GLRA2: variants seen among roughly 807,000 people sequenced by gnomAD.
The protein encoded by GLRA2 is glycine receptor subunit alpha-2.
GLRA2 carries 11 observed loss-of-function variants against 31.6 expected under a neutral mutation model. That is an observed-to-expected ratio of 0.35 (90% CI 0.22 to 0.58). The LOEUF is 0.58. Among genes scored for constraint, GLRA2 ranks in the 20% least tolerant of loss-of-function variants. The probability of loss-of-function intolerance (pLI) is 0.84; values close to 1 mark genes in which losing one functional copy is unlikely to be tolerated. For missense variants in GLRA2, 212 were observed against 351.8 expected, an observed-to-expected ratio of 0.60 and a Z score of 3.18; for synonymous variants, 132 against 134.0, an observed-to-expected ratio of 0.99 and a Z score of 0.10.
chrX:14,597,361 A>G (rs1015608455), intron 4 of GLRA2, among the ~76,000 whole-genome samples: 4 of 112,122 alleles, frequency 3.6e-5, no homozygotes, highest in Non-Finnish European at 5.6e-5. Flanking sequence ...TAAAGTTTTC[A>G]TCATATTCAA....
chrX:14,453,169 C>T, the GLRA2 span, among the ~76,000 whole-genome samples: 1 of 111,233 alleles, frequency 9.0e-6, no homozygotes, highest in African/African-American at 3.3e-5. Flanking sequence ...GGGAAAGAGC[C>T]CAGAGGAGAT....
chrX:14,537,538 C>G (rs946072152), intron 2 of GLRA2, among the ~76,000 whole-genome samples: 1 of 111,198 alleles, frequency 9.0e-6, no homozygotes, highest in Admixed American at 9.6e-5. Flanking sequence ...TCAATAGTAC[C>G]CAAGCCCTTG....
At chrX:14,647,779 G>A (rs1196216193) in intron 7 of GLRA2, among the ~76,000 whole-genome samples, 3 of 112,283 alleles carry the variant, frequency 2.7e-5, no homozygotes, top group Non-Finnish European at 5.6e-5. Flanking sequence ...TTCTTAGGGA[G>A]AAATGAAGTA....
intron 8 of GLRA2, among the ~76,000 whole-genome samples, chrX:14,725,385 C>G (rs1429930042): frequency 9.0e-6 from 1 of 110,876 alleles, no homozygotes; most frequent in East Asian, 2.8e-4. Flanking sequence ...TGTATTTGGA[C>G]ACATATTGCT....
chrX:14,536,434 G>C (rs1343216367), intron 2 of GLRA2, among the ~76,000 whole-genome samples: 3 of 112,020 alleles, frequency 2.7e-5, no homozygotes, highest in Non-Finnish European at 5.7e-5. Flanking sequence ...GATCAGCCTG[G>C]TTGGCATCAG....
At chrX:14,454,798 A>C in the GLRA2 span, among the ~76,000 whole-genome samples, 9 of 111,993 alleles carry the variant, frequency 8.0e-5, no homozygotes, top group African/African-American at 2.9e-4. Context: ...ACTTGTGTCC[A>C]ATATGCTATG....
intron 7 of GLRA2, among the ~76,000 whole-genome samples, chrX:14,668,594 A>T (rs754773073): frequency 8.9e-6 from 1 of 112,706 alleles, no homozygotes; most frequent in South Asian, 3.7e-4. Flanking sequence ...GTGGCAGGGG[A>T]GGCTTCACAG....
At chrX:14,492,189 G>GTTT in the GLRA2 span, among the ~76,000 whole-genome samples, 116 of 110,751 alleles carry the variant, frequency 1.0e-3, no homozygotes, top group African/African-American at 3.7e-3. Flanking sequence ...ACTCAGACAA[G>GTTT]TTTTTTTGTC....
the GLRA2 span, among the ~76,000 whole-genome samples, chrX:14,523,399 T>C: frequency 8.9e-6 from 1 of 112,227 alleles, no homozygotes; most frequent in East Asian, 2.8e-4. Flanking sequence ...ATATCAGCGA[T>C]AACGCAGTTT....
At chrX:14,718,668 A>T (rs1376595962) in intron 8 of GLRA2, among the ~76,000 whole-genome samples, 2 of 110,951 alleles carry the variant, frequency 1.8e-5, no homozygotes, top group African/African-American at 6.6e-5. Flanking sequence ...GGCTAGGAAA[A>T]CTCTAAGACT....
chrX:14,703,259 A>G (rs2091572420), intron 8 of GLRA2, among the ~76,000 whole-genome samples: 1 of 111,854 alleles, frequency 8.9e-6, no homozygotes, highest in African/African-American at 3.3e-5. Flanking sequence ...GCTCATTTAT[A>G]TAACAGTGTT....
At chrX:14,493,193 TTAA>T in the GLRA2 span, among the ~76,000 whole-genome samples, 1 of 111,252 alleles carries the variant, frequency 9.0e-6, no homozygotes, top group African/African-American at 3.3e-5. Flanking sequence ...TACATGAATT[TTAA>T]TAATAGCCTT....
chrX:14,528,542 C>G (rs1439150542), upstream of GLRA2, among the ~76,000 whole-genome samples: 1 of 111,719 alleles, frequency 9.0e-6, no homozygotes, highest in Non-Finnish European at 1.9e-5. Context: ...GACTATCTAC[C>G]CTTCCTCTTT....
intron 4 of GLRA2, among the ~76,000 whole-genome samples, chrX:14,591,362 C>T (rs1023276011): frequency 3.6e-5 from 4 of 111,605 alleles, no homozygotes; most frequent in East Asian, 5.7e-4. Context: ...GTACGGAAGC[C>T]GACAGTGCAG....
the GLRA2 span, among the ~76,000 whole-genome samples, chrX:14,506,986 A>G: frequency 9.0e-6 from 1 of 110,870 alleles, no homozygotes; most frequent in Non-Finnish European, 1.9e-5. Flanking sequence ...AAAGGACACT[A>G]AACAAAAGGA....
chrX:14,501,257 G>A, the GLRA2 span, among the ~76,000 whole-genome samples: 1 of 111,349 alleles, frequency 9.0e-6, no homozygotes, highest in South Asian at 3.8e-4. Flanking sequence ...TCAGGTGAAG[G>A]AACATGAAAG....
chrX:14,540,302 C>A (rs1490670610), intron 2 of GLRA2, among the ~76,000 whole-genome samples: 1 of 110,956 alleles, frequency 9.0e-6, no homozygotes, highest in Non-Finnish European at 1.9e-5. Context: ...GAGTGATTAC[C>A]AGAACCTGGT....
At chrX:14,491,026 A>G in the GLRA2 span, among the ~76,000 whole-genome samples, 1 of 111,695 alleles carries the variant, frequency 9.0e-6, no homozygotes, top group Non-Finnish European at 1.9e-5. Context: ...AGCTCTCAGA[A>G]TTCCTCTAAC....
At chrX:14,689,597 C>T (rs1396938953) in intron 7 of GLRA2, among the ~76,000 whole-genome samples, 1 of 111,739 alleles carries the variant, frequency 8.9e-6, no homozygotes, top group East Asian at 2.8e-4. Context: ...CTCTTTACCC[C>T]AGTTTTCTCA....
Sources: allele counts gnomAD v4.1 joint callset (sites outside exome capture counted in the v4.1 genomes callset), GRCh38; gene constraint gnomAD v4.1.1; transcripts MANE v1.5; gene names NCBI Gene and HGNC (gene_info 2026-07-23, HGNC 2026-07-21).